CADM2: variants seen among roughly 807,000 people sequenced by gnomAD.
The protein encoded by CADM2 is immunoglobulin superfamily member 4D.
A neutral mutation model predicts 49.8 loss-of-function variants in CADM2; 12 were observed. That is an observed-to-expected ratio of 0.24 (90% confidence interval 0.15 to 0.39). The LOEUF (loss-of-function observed/expected upper bound fraction) is 0.39. Among genes scored for constraint, CADM2 ranks in the 10% least tolerant of loss-of-function variants. The pLI is 1.00. For synonymous variants in CADM2, 214 were observed against 175.4 expected (o/e 1.22, Z -1.74); for missense variants, 378 against 492.3 (o/e 0.77, Z 2.20).
chr3:85,154,561 A>C (rs1347084971), intron 1 of CADM2, among the ~76,000 whole-genome samples: 1 of 151,944 alleles, frequency 6.6e-6, no homozygotes, highest in African/African-American at 2.4e-5. Flanking sequence ...AAGGCAGGCC[A>C]ACATTCAGAT....
intron 3 of CADM2, among the ~76,000 whole-genome samples, chr3:85,875,592 A>G (rs919946942): frequency 4.6e-5 from 7 of 152,152 alleles, no homozygotes; most frequent in African/African-American, 1.7e-4. Context: ...TGAAGCTTCA[A>G]ATCCTTGTCC....
At chr3:85,759,892 C>T (rs1293712823) in intron 2 of CADM2, among the ~76,000 whole-genome samples, 1 of 152,104 alleles carries the variant, frequency 6.6e-6, no homozygotes, top group Non-Finnish European at 1.5e-5. Context: ...CATACACTTT[C>T]TCCAAATTCT....
At chr3:86,039,096 G>A (rs1483452940) in intron 8 of CADM2, among the ~76,000 whole-genome samples, 1 of 152,144 alleles carries the variant, frequency 6.6e-6, no homozygotes. Flanking sequence ...GTGGAGCCAA[G>A]ATGGCCAAAT....
intron 1 of CADM2, among the ~76,000 whole-genome samples, chr3:85,697,787 A>G (rs908738145): frequency 5.9e-5 from 9 of 152,164 alleles, no homozygotes; most frequent in African/African-American, 1.9e-4. Flanking sequence ...ATAGAATATA[A>G]CAGATTTATG....
At chr3:85,362,159 A>C (rs1360464271) in intron 1 of CADM2, among the ~76,000 whole-genome samples, 1 of 152,132 alleles carries the variant, frequency 6.6e-6, no homozygotes, top group Non-Finnish European at 1.5e-5. Context: ...AATATCTCAG[A>C]TCTCCCTGCA....
At chr3:85,915,873 A>G (rs971954804) in intron 6 of CADM2, among the ~76,000 whole-genome samples, 5 of 152,186 alleles carry the variant, frequency 3.3e-5, no homozygotes, top group Non-Finnish European at 2.9e-5. Flanking sequence ...GAGTAAATAT[A>G]TATTCCTACA....
At chr3:85,368,303 A>T (rs2032949642) in intron 1 of CADM2, among the ~76,000 whole-genome samples, 1 of 152,056 alleles carries the variant, frequency 6.6e-6, no homozygotes, top group African/African-American at 2.4e-5. Flanking sequence ...AGTTACAAGA[A>T]AAAGCAAAAA....
intron 1 of CADM2, among the ~76,000 whole-genome samples, chr3:85,042,063 C>T (rs2035464321): frequency 6.6e-6 from 1 of 152,094 alleles, no homozygotes; most frequent in South Asian, 2.1e-4. Context: ...TGTAATTACC[C>T]TACATTACCC....
chr3:85,267,244 T>C (rs2043141385), intron 1 of CADM2, among the ~76,000 whole-genome samples: 1 of 151,870 alleles, frequency 6.6e-6, no homozygotes. Context: ...ATGTGAGACC[T>C]TTTGCATGTA....
At chr3:85,376,547 G>C (rs999617542) in intron 1 of CADM2, among the ~76,000 whole-genome samples, 1 of 152,008 alleles carries the variant, frequency 6.6e-6, no homozygotes, top group Admixed American at 6.6e-5. Flanking sequence ...TAGTAGTAAT[G>C]CTTTAATGGA....
At chr3:85,047,076 T>C (rs1233832257) in intron 1 of CADM2, among the ~76,000 whole-genome samples, 1 of 152,178 alleles carries the variant, frequency 6.6e-6, no homozygotes, top group Admixed American at 6.6e-5. Context: ...TAAGTGACTT[T>C]GAAAAAGATT....
chr3:85,374,378 C>T (rs1559807435), intron 1 of CADM2, among the ~76,000 whole-genome samples: 1 of 152,098 alleles, frequency 6.6e-6, no homozygotes, highest in Admixed American at 6.6e-5. Context: ...CAATAAGTTT[C>T]TCATCTCTAT....
intron 1 of CADM2, among the ~76,000 whole-genome samples, chr3:85,447,481 C>T (rs11127890): frequency 0.25 from 38,016 of 151,790 alleles, 4,929 homozygotes; most frequent in South Asian, 0.34. Context: ...AAGTTTTGCC[C>T]CTTATACATA....
chr3:85,604,202 A>C lies in CADM2; in HGVS notation c.62-122320A>C, dbSNP rs192549071. ...GCTTTTAAATATATTATTTTATTTAATCTTAATGCTTACACAGGGAACTAG... is the reference window on the plus strand; with the variant it reads ...GCTTTTAAATATATTATTTTATTTACTCTTAATGCTTACACAGGGAACTAG... On this transcript the variant is annotated intron_variant, in intron 1 of 9. Transcript: ENST00000383699. Among the ~76,000 whole-genome samples, 1,023 of 151,874 alleles carry C rather than the reference A, an allele frequency of 6.7e-3. 56 individuals are homozygous for C. The highest frequency in any genetic ancestry group is 0.064 in the Admixed American group (975 of 15,184).
chr3:85,484,409 C>T (rs1394405337), intron 1 of CADM2, among the ~76,000 whole-genome samples: 1 of 151,890 alleles, frequency 6.6e-6, no homozygotes, highest in Non-Finnish European at 1.5e-5. Context: ...GTATGTACTT[C>T]AGTGGAAATG....
At chr3:85,380,047 T>G (rs540738195) in intron 1 of CADM2, among the ~76,000 whole-genome samples, 1 of 152,076 alleles carries the variant, frequency 6.6e-6, no homozygotes, top group African/African-American at 2.4e-5. Context: ...GAGTTTGATA[T>G]CTTTTCAAAG....
intron 1 of CADM2, among the ~76,000 whole-genome samples, chr3:85,085,971 A>G (rs540952747): frequency 6.6e-6 from 1 of 152,188 alleles, no homozygotes; most frequent in Non-Finnish European, 1.5e-5. Flanking sequence ...GCACATCGTC[A>G]TAATGGGAAG....
At chr3:85,988,685 T>C (rs1209463353) in intron 8 of CADM2, among the ~76,000 whole-genome samples, 2 of 152,156 alleles carry the variant, frequency 1.3e-5, no homozygotes, top group Non-Finnish European at 2.9e-5. Context: ...TAAACTCTCT[T>C]CACCAATATT....
At chr3:85,877,684 GTTT>G (rs368101272) in intron 3 of CADM2, among the ~76,000 whole-genome samples, 2 of 112,024 alleles carry the variant, frequency 1.8e-5, no homozygotes, top group Admixed American at 2.0e-4. Flanking sequence ...TTTTTCTTCT[GTTT>G]TTTTTTTTTT....
Sources: gnomAD v4.1 joint callset for allele counts (sites outside exome capture counted in the v4.1 genomes callset) on GRCh38, gnomAD v4.1.1 for gene constraint, MANE v1.5 for transcripts, NCBI Gene and HGNC (gene_info 2026-07-23, HGNC 2026-07-21) for gene names.